The following CELF2 variants were observed in gnomAD, a reference collection of about 807,000 sequenced individuals.
CELF2 encodes CUG triplet repeat RNA-binding protein 2.
A neutral mutation model predicts 62.6 loss-of-function variants in CELF2; 8 were observed. That is an observed-to-expected ratio of 0.13 (90% confidence interval 0.07 to 0.23). CELF2 has a LOEUF of 0.23. Ranked by LOEUF, CELF2 falls within the 10% of genes least tolerant of loss-of-function variation. The pLI is 1.00. For synonymous variants in CELF2, 258 were observed against 250.0 expected, an observed-to-expected ratio of 1.03 and a Z score of -0.30; for missense variants, 333 against 671.0, an observed-to-expected ratio of 0.50 and a Z score of 5.56.
chr10:11,259,293 T>C (rs1006072538), intron 5 of CELF2, among the ~76,000 whole-genome samples: 1 of 152,188 alleles, frequency 6.6e-6, no homozygotes, highest in East Asian at 1.9e-4. Context: ...GCTGCTAGAA[T>C]GGAAGGCCGA....
At chr10:10,578,936 T>C in the CELF2 span, among the ~76,000 whole-genome samples, 1 of 152,224 alleles carries the variant, frequency 6.6e-6, no homozygotes, top group African/African-American at 2.4e-5. Context: ...AGCTCATGCA[T>C]GTTGGGACTC....
the CELF2 span, among the ~76,000 whole-genome samples, chr10:10,739,388 G>T: frequency 6.6e-6 from 1 of 152,108 alleles, no homozygotes; most frequent in Non-Finnish European, 1.5e-5. Context: ...ATGATCAGTT[G>T]GAGACAGGGA....
chr10:10,586,364 AACTT>A, the CELF2 span, among the ~76,000 whole-genome samples: 2 of 152,204 alleles, frequency 1.3e-5, no homozygotes, highest in African/African-American at 4.8e-5. Flanking sequence ...GGCCAAATGA[AACTT>A]ACATGTTTCA....
intron 1 of CELF2, among the ~76,000 whole-genome samples, chr10:11,163,956 G>A (rs982960441): frequency 6.6e-6 from 1 of 152,216 alleles, no homozygotes; most frequent in African/African-American, 2.4e-5. Flanking sequence ...AACCAAGTAA[G>A]TAGCTCTCTG....
In CELF2 at chr10:11,247,487, C is replaced by T. The variant is rs1027346463; in HGVS notation, c.355-1666C>T. On this transcript the variant is annotated intron_variant, in intron 3 of 12. Transcript: ENST00000633077. The surrounding 1 kb of genome is among the most constrained non-coding windows in gnomAD (Gnocchi z 5.4). The stretch of plus-strand genomic sequence containing the variant: ...GATTAAGTCCCACACCCCTGGACCC[C>T]TGTGGGCTCTGTCCTGCCTCTCCCC... Among the ~76,000 whole-genome samples, 4 of 152,220 alleles carry T rather than the reference C, an allele frequency of 2.6e-5. No individual in the cohort carries two copies. The highest frequency in any genetic ancestry group is 5.9e-5 in the Non-Finnish European group (4 of 68,032).
chr10:10,692,325 G>T, the CELF2 span, among the ~76,000 whole-genome samples: 44 of 151,676 alleles, frequency 2.9e-4, 1 homozygote, highest in Non-Finnish European at 6.3e-4. Flanking sequence ...TTGTAGATAT[G>T]TGGCATTATT....
chr10:10,967,152 G>A (rs1564280862), intron 2 of CELF2, among the ~76,000 whole-genome samples: 1 of 152,206 alleles, frequency 6.6e-6, no homozygotes, highest in Admixed American at 6.5e-5. Context: ...AAAGGAAAAT[G>A]ACCTACAGAA....
the CELF2 span, among the ~76,000 whole-genome samples, chr10:10,784,054 G>T: frequency 6.6e-6 from 1 of 152,082 alleles, no homozygotes; most frequent in Non-Finnish European, 1.5e-5. Flanking sequence ...GTCAACTGGG[G>T]TTTTATTTCT....
chr10:11,141,052 C>A (rs957941691), intron 1 of CELF2, among the ~76,000 whole-genome samples: 1 of 152,184 alleles, frequency 6.6e-6, no homozygotes, highest in Non-Finnish European at 1.5e-5. Context: ...TTTGTGTATT[C>A]GTAGAGTCAT....
At chr10:11,238,436 C>G (rs1027297764) in intron 3 of CELF2, among the ~76,000 whole-genome samples, 3 of 152,264 alleles carry the variant, frequency 2.0e-5, no homozygotes, top group Middle Eastern at 3.4e-3. Flanking sequence ...TAGATCTAAG[C>G]AAAGGATTCC....
chr10:10,497,962 G>C, the CELF2 span, among the ~76,000 whole-genome samples: 1 of 152,186 alleles, frequency 6.6e-6, no homozygotes, highest in Non-Finnish European at 1.5e-5. Flanking sequence ...ACCAAAAGGA[G>C]ACTATTGTAG....
chr10:11,251,622 C>T (rs1032178697), intron 4 of CELF2, among the ~76,000 whole-genome samples: 13 of 152,068 alleles, frequency 8.5e-5, no homozygotes, highest in African/African-American at 1.9e-4. Flanking sequence ...CCCGACTCCA[C>T]GCTTGTTGGT....
At chr10:10,772,744 TA>T in the CELF2 span, among the ~76,000 whole-genome samples, 1 of 152,086 alleles carries the variant, frequency 6.6e-6, no homozygotes, top group Admixed American at 6.6e-5. Context: ...ATGAGATAAT[TA>T]AATACAAATC....
intron 1 of CELF2, among the ~76,000 whole-genome samples, chr10:10,900,808 T>G (rs921085503): frequency 2.6e-5 from 4 of 152,186 alleles, no homozygotes; most frequent in African/African-American, 7.2e-5. Context: ...ACAGCATGAT[T>G]GTCGATGTAG....
intron 2 of CELF2, among the ~76,000 whole-genome samples, chr10:10,996,672 T>C (rs138534093): frequency 1.3e-5 from 2 of 152,360 alleles, no homozygotes; most frequent in African/African-American, 2.4e-5. Flanking sequence ...CCTTTTATAA[T>C]GCCTTTGGTG....
At chr10:10,535,414 T>C in the CELF2 span, among the ~76,000 whole-genome samples, 3 of 152,304 alleles carry the variant, frequency 2.0e-5, no homozygotes, top group East Asian at 1.9e-4. Flanking sequence ...AACCGTACCT[T>C]GTCCCTTCGA....
rs2061943503 is a variant in CELF2 at position 11,211,852 on chromosome 10, GTGTA to G, written c.272-5572_272-5569del. 7.0e-6 allele frequency among the ~76,000 whole-genome samples: 1 copy of G among 143,826 alleles called. No individual in the cohort carries two copies. The highest frequency in any genetic ancestry group is 1.5e-5 in the Non-Finnish European group (1 of 65,302). The allele number at this position is 143,826 out of a possible 152,430, so 94.4% of individuals were successfully genotyped here. A position where few individuals can be genotyped will look rare whatever the true frequency, so the allele number is the denominator to read the frequency against. Reference sequence around the variant, plus strand: ...TGTGTGTGTGTGTGTGTGTGTGTGTGTGTAACTACCATTGGCCTTTGGGGCTTTA... The same window carrying G: ...TGTGTGTGTGTGTGTGTGTGTGTGTGACTACCATTGGCCTTTGGGGCTTTA... On this transcript the variant is annotated intron_variant, in intron 2 of 12. Coordinates refer to ENST00000633077, the MANE Select transcript of CELF2 (RefSeq NM_001326342.2). This position sits in a 1 kb window ranked among gnomAD's most constrained non-coding sequence, Gnocchi z 4.8.
chr10:10,869,848 A>G (rs2060624568), intron 1 of CELF2, among the ~76,000 whole-genome samples: 1 of 152,140 alleles, frequency 6.6e-6, no homozygotes, highest in African/African-American at 2.4e-5. Flanking sequence ...GAATGCGGTG[A>G]CATGTTTCTT....
rs1554855649 is a variant in CELF2 at position 10,857,649 on chromosome 10, G to GTTTATATATATATATATATA, written c.53+58833_53+58834insTTATATATATATATATATAT. On this transcript the variant is annotated intron_variant, in intron 1 of 13. Coordinates refer to the CELF2 transcript ENST00000636488. ...ATATGTGGTAAACTACATATATATAGTATATATATATATATATATATATAT... is the reference window on the plus strand; with the variant it reads ...ATATGTGGTAAACTACATATATATAGTTTATATATATATATATATATATATATATATATATATATATATAT... 4.1e-4 allele frequency among the ~76,000 whole-genome samples: 39 copies of GTTTATATATATATATATATA among 94,210 alleles called. 1 individual carries two copies. Among genetic ancestry groups the GTTTATATATATATATATATA allele is most frequent in the African/African-American group, 1.6e-3 (35 of 21,346 alleles). 61.8% of individuals were successfully genotyped at this position (94,210 alleles called of 152,430 possible). A position where few individuals can be genotyped will look rare whatever the true frequency, so the allele number is the denominator to read the frequency against.
Sources: allele counts gnomAD v4.1 joint callset (sites outside exome capture counted in the v4.1 genomes callset), GRCh38; gene constraint gnomAD v4.1.1; non-coding constraint Gnocchi (gnomAD v3.1); transcripts MANE v1.5; gene names NCBI Gene and HGNC (gene_info 2026-07-23, HGNC 2026-07-21).